The following NFU1 variants were observed in gnomAD, a reference collection of about 807,000 sequenced individuals.
NFU1 encodes NFU1 iron-sulfur cluster scaffold.
NFU1 carries 30 observed loss-of-function variants against 32.2 expected under a neutral mutation model. The ratio of observed to expected loss-of-function variants is 0.93; its 90% CI spans 0.70 to 1.26. The LOEUF (loss-of-function observed/expected upper bound fraction) is 1.26. NFU1 is among the 50% of genes most tolerant of loss of function. The pLI is 0.00. For synonymous variants in NFU1, 112 were observed against 104.6 expected (o/e 1.07, Z -0.43); for missense variants, 306 against 306.6 (o/e 1.00, Z 0.02).
intron 6 of NFU1, among the ~76,000 whole-genome samples, chr2:69,401,487 C>G (rs1294130265): frequency 1.3e-5 from 2 of 152,046 alleles, no homozygotes; most frequent in Admixed American, 6.6e-5. Flanking sequence ...GCAAATATAC[C>G]AGAATTTATT....
intron 6 of NFU1, among the ~76,000 whole-genome samples, chr2:69,400,860 G>A (rs1489432471): frequency 2.0e-5 from 3 of 152,148 alleles, no homozygotes; most frequent in Non-Finnish European, 2.9e-5. Flanking sequence ...CAAGGTAGGA[G>A]GACTGCTTGA....
chr2:69,415,341 G>A, intron 4 of NFU1, 42 bp from the exon 5 acceptor site: 4 of 1,173,388 alleles, frequency 3.4e-6, no homozygotes, highest in Non-Finnish European at 5.1e-6. Context: ...CCAGGCAACG[G>A]CAAAGACCCA....
intron 6 of NFU1, among the ~76,000 whole-genome samples, chr2:69,403,775 T>C (rs1672600713): frequency 6.6e-6 from 1 of 152,166 alleles, no homozygotes. Flanking sequence ...TATACTAATC[T>C]TCTCTTCAAC....
intron 2 of NFU1, among the ~76,000 whole-genome samples, chr2:69,427,679 CAA>C (rs35639734): frequency 2.6e-3 from 163 of 61,666 alleles, no homozygotes; most frequent in Middle Eastern, 0.02. Flanking sequence ...CACTCAGTCT[CAA>C]AAAAAAAAAA....
chr2:69,438,211 A>G (rs1401275703), upstream of NFU1, among the ~76,000 whole-genome samples: 1 of 151,782 alleles, frequency 6.6e-6, no homozygotes, highest in African/African-American at 2.4e-5. Flanking sequence ...CTGAGGCACA[A>G]TCTCTGTAGG....
At chr2:69,434,567 A>G (rs375355382) in intron 1 of NFU1, among the ~76,000 whole-genome samples, 40 of 152,380 alleles carry the variant, frequency 2.6e-4, no homozygotes, top group African/African-American at 9.1e-4. Flanking sequence ...GGAGACTTTA[A>G]TAGTAAAAAT....
At position 69,400,409 on chromosome 2, in the gene NFU1, C is replaced by T; in HGVS notation, c.675G>A (p.Gln225=). The T allele has an allele frequency of 6.2e-7, 1 of 1,614,126 alleles. No individual in the cohort carries two copies. The highest frequency in any genetic ancestry group is 1.1e-5 in the South Asian group (1 of 91,072). Residue 225 remains glutamine, a synonymous_variant, in exon 7 of 8, where the codon CAG becomes CAA. Coordinates refer to ENST00000410022, the MANE Select transcript of NFU1 (RefSeq NM_001002755.4). ...CCGGAATATAAAACTGCAGCATGTT[C>T]TGAATTCCATTTTTCAGAGTAATGA... ...SSIITLKNGI[Q]NMLQFYIPEV...
At position 69,423,736 on chromosome 2, in the gene NFU1, A is replaced by T; in HGVS notation, c.167-19T>A. 6.4e-7 allele frequency: 1 copy of T among 1,555,444 alleles called. No homozygotes were observed. Among genetic ancestry groups the T allele is most frequent in the Non-Finnish European group, 8.9e-7 (1 of 1,128,704 alleles). ...TATCTCACTAAAAAAGAAAAAGAAG[A>T]AAATGTTATTCTAGAAAAAACAGTT... On this transcript the variant is annotated intron_variant, in intron 2 of 7. Coordinates refer to ENST00000410022, the MANE Select transcript of NFU1 (RefSeq NM_001002755.4).
At chr2:69,398,922 C>A (rs1166352076) in intron 7 of NFU1, among the ~76,000 whole-genome samples, 1 of 152,034 alleles carries the variant, frequency 6.6e-6, no homozygotes, top group East Asian at 1.9e-4. Context: ...CACAGAATTA[C>A]CTGAGGTGGT....
At chr2:69,407,945 G>A (rs1386285093) in intron 5 of NFU1, among the ~76,000 whole-genome samples, 1 of 151,088 alleles carries the variant, frequency 6.6e-6, no homozygotes, top group African/African-American at 2.4e-5. Flanking sequence ...CCCAGGAGGT[G>A]GAGGTGGCAG....
At chr2:69,401,461 C>G (rs1672520358) in intron 6 of NFU1, among the ~76,000 whole-genome samples, 1 of 152,208 alleles carries the variant, frequency 6.6e-6, no homozygotes, top group Admixed American at 6.5e-5. Context: ...CTCACTGCTG[C>G]ATAGTATTCC....
chr2:69,396,450 A>C lies in NFU1; in HGVS notation c.721-160T>G, dbSNP rs541374129. On this transcript the variant is annotated intron_variant, in intron 7 of 7. Coordinates refer to ENST00000410022, the MANE Select transcript of NFU1 (RefSeq NM_001002755.4). ...CAACAGCCCCAAAGAACAAGGTTTG[A>C]ATCATAACCCGGTATCCTAAAAACA... Among the ~76,000 whole-genome samples the C allele has an allele frequency of 4.6e-5, 7 of 152,292 alleles. No homozygotes were observed. In the East Asian group the frequency reaches 1.3e-3, roughly 29 times the overall value.
chr2:69,434,969 A>C (rs1268789545), intron 1 of NFU1, among the ~76,000 whole-genome samples: 1 of 152,196 alleles, frequency 6.6e-6, no homozygotes, highest in Non-Finnish European at 1.5e-5. Context: ...GGGCCACAGG[A>C]CCAGTCAGAA....
intron 2 of NFU1, among the ~76,000 whole-genome samples, chr2:69,426,452 A>C (rs1199520047): frequency 2.6e-5 from 4 of 151,672 alleles, no homozygotes; most frequent in Admixed American, 2.6e-4. Context: ...AGCCCAGCTA[A>C]TTTTTGTATT....
At chr2:69,423,243 A>AGAGT (rs1204580712) in intron 3 of NFU1, among the ~76,000 whole-genome samples, 1 of 87,992 alleles carries the variant, frequency 1.1e-5, no homozygotes, top group Non-Finnish European at 2.1e-5. Flanking sequence ...TCTCTGTGTG[A>AGAGT]GTGTGTGTGT....
chr2:69,429,118 T>C (rs937880356), intron 2 of NFU1, among the ~76,000 whole-genome samples: 58 of 152,326 alleles, frequency 3.8e-4, no homozygotes, highest in African/African-American at 1.4e-3. Context: ...AGGGAATGAT[T>C]TTTCAATGAC....
At position 69,431,932 on chromosome 2, in the gene NFU1, A is replaced by G. The variant is rs1475478486; in HGVS notation, c.136T>C (p.Phe46Leu). 1 of 1,613,718 alleles carries G rather than the reference A, an allele frequency of 6.2e-7. No homozygotes were observed. The highest frequency in any genetic ancestry group is 8.5e-7 in the Non-Finnish European group (1 of 1,179,694). Reference sequence around the variant, plus strand: ...TGATAAAAGGCTGCAGGTAGTGGGAAAAGTGGTCTTTGTACAAACTGATGC... The same window carrying G: ...TGATAAAAGGCTGCAGGTAGTGGGAGAAGTGGTCTTTGTACAAACTGATGC... The part of the protein sequence containing the change: ...PLHQFVQRPL[F>L]PLPAAFYHPV... Residue 46 changes from phenylalanine (F) to leucine (L), a missense_variant, in exon 2 of 8, where the codon TTC (phenylalanine) becomes CTC (leucine). Physicochemically the swap from Phe to Leu is conservative, Grantham distance 22 (BLOSUM62 0). Transcript: ENST00000410022.
chr2:69,418,118 G>GT (rs918750932), intron 4 of NFU1, among the ~76,000 whole-genome samples: 6 of 152,050 alleles, frequency 3.9e-5, no homozygotes, highest in Admixed American at 6.6e-5. Flanking sequence ...AAGAATGGGG[G>GT]GCTGGACGTG....
At chr2:69,437,501 C>T (rs752340010), upstream of NFU1, 1 of 1,537,698 alleles carries the variant, frequency 6.5e-7, no homozygotes, top group South Asian at 1.2e-5. Context: ...GGTAGCTGGG[C>T]GGGCACTGGG....
Sources: allele counts gnomAD v4.1 joint callset (sites outside exome capture counted in the v4.1 genomes callset), GRCh38; gene constraint gnomAD v4.1.1; transcripts MANE v1.5; gene names NCBI Gene and HGNC (gene_info 2026-07-23, HGNC 2026-07-21).